Variants in ATCAY observed in about 807,000 individuals in gnomAD.
ATCAY encodes the protein ATCAY kinesin light chain interacting caytaxin.
In ATCAY, 22 loss-of-function variants were observed where a neutral mutation model predicts 47.7. The ratio of observed to expected loss-of-function variants is 0.46; its 90% confidence interval spans 0.33 to 0.66. The LOEUF is 0.66. ATCAY is among the 30% of genes least tolerant of loss of function. The pLI, the probability that ATCAY is intolerant of heterozygous loss-of-function variation, is 0.02. For synonymous variants in ATCAY, 216 were observed against 207.6 expected (o/e 1.04, Z -0.35); for missense variants, 452 against 515.0 (o/e 0.88, Z 1.18).
chr19:3,909,460 C>A, intron 6 of ATCAY, 26 bp from the exon 7 acceptor site: 3 of 1,608,764 alleles, frequency 1.9e-6, no homozygotes, highest in South Asian at 1.1e-5. Flanking sequence ...CATGTTGGGT[C>A]CCTGCCTTCT....
chr19:3,911,119 C>G (rs2038919372), intron 8 of ATCAY, among the ~76,000 whole-genome samples: 1 of 152,158 alleles, frequency 6.6e-6, no homozygotes, highest in Admixed American at 6.6e-5. Context: ...TGGCTGACAC[C>G]TGTAATCCCA....
intron 2 of ATCAY, among the ~76,000 whole-genome samples, chr19:3,887,521 T>C (rs185942077): frequency 0.012 from 1,872 of 151,092 alleles, 30 homozygotes; most frequent in East Asian, 0.044. Flanking sequence ...GAGTGTCGCT[T>C]TGTCGCCCAG....
At chr19:3,881,863 A>ACCCCCCCC (rs199717917) in intron 1 of ATCAY, among the ~76,000 whole-genome samples, 6 of 100,484 alleles carry the variant, frequency 6.0e-5, no homozygotes, top group East Asian at 3.9e-4. Flanking sequence ...GGCTGCTGCC[A>ACCCCCCCC]CCGCCCCCCC....
chr19:3,895,164 T>G (rs1437363377), intron 2 of ATCAY: 1 of 456,190 alleles, frequency 2.2e-6, no homozygotes, highest in Non-Finnish European at 4.4e-6. Flanking sequence ...AACCACCAAG[T>G]CCAAAATCCA....
intron 2 of ATCAY, among the ~76,000 whole-genome samples, chr19:3,899,853 G>C (rs750468616): frequency 6.6e-6 from 1 of 152,098 alleles, no homozygotes; most frequent in Non-Finnish European, 1.5e-5. Flanking sequence ...GTCAAACTCG[G>C]GCAGCACGGG....
chr19:3,920,853 C>CAATAGA, intron 12 of ATCAY, 55 bp downstream of exon 12: 1 of 1,593,826 alleles, frequency 6.3e-7, no homozygotes, highest in Non-Finnish European at 8.6e-7. Context: ...CTTCATGGAC[C>CAATAGA]TGTATTAGTC....
chr19:3,890,088 C>T (rs1464279621), intron 2 of ATCAY, among the ~76,000 whole-genome samples: 1 of 150,558 alleles, frequency 6.6e-6, no homozygotes, highest in Admixed American at 6.7e-5. Flanking sequence ...GGATTACAGG[C>T]ATCTGCCACC....
At chr19:3,897,109 G>A (rs995059361) in intron 2 of ATCAY, among the ~76,000 whole-genome samples, 5 of 151,760 alleles carry the variant, frequency 3.3e-5, no homozygotes, top group South Asian at 4.2e-4. Context: ...TCTCTTCTTC[G>A]ACAGCAAATG....
At chr19:3,902,698 TGA>T (rs2038825673) in intron 3 of ATCAY, among the ~76,000 whole-genome samples, 153 bp downstream of exon 3, 1 of 152,102 alleles carries the variant, frequency 6.6e-6, no homozygotes, top group Non-Finnish European at 1.5e-5. Flanking sequence ...CCGTGGTGGG[TGA>T]GAGACACAAT....
intron 1 of ATCAY, among the ~76,000 whole-genome samples, chr19:3,884,312 TG>T (rs1201872918): frequency 6.9e-6 from 1 of 144,478 alleles, no homozygotes; most frequent in East Asian, 2.0e-4. Flanking sequence ...ATAAATAAAG[TG>T]GCATTTTGTG....
At chr19:3,892,844 G>A (rs185120975) in intron 2 of ATCAY, among the ~76,000 whole-genome samples, 1 of 152,062 alleles carries the variant, frequency 6.6e-6, no homozygotes, top group Admixed American at 6.6e-5. Flanking sequence ...GGAGGCAGAA[G>A]TTGCAATGAG....
At chr19:3,908,004 C>A in intron 5 of ATCAY, 85 bp downstream of exon 5, 1 of 1,479,376 alleles carries the variant, frequency 6.8e-7, no homozygotes, top group Non-Finnish European at 9.3e-7. Context: ...CTCTCTGATG[C>A]ACGGGGATGT....
rs1427282351 is a variant in ATCAY, at chr19:3,927,988, GA to G, written c.*3397del. On this transcript the variant is annotated 3_prime_UTR_variant, in exon 13 of 13. Transcript: ENST00000450849. ...TTTTGCGGTTTTTCAGAACAGAAATGATCACTACGATTGACGACGGTCGTGA... is the reference window on the plus strand; with the variant it reads ...TTTTGCGGTTTTTCAGAACAGAAATGTCACTACGATTGACGACGGTCGTGA... The G allele has an allele frequency of 6.6e-6, 1 of 152,184 alleles. No individual in the cohort carries two copies. Among genetic ancestry groups the G allele is most frequent in the Non-Finnish European group, 1.5e-5 (1 of 68,052 alleles). 9.4% of individuals were successfully genotyped at this position (152,184 alleles called of 1,614,324 possible).
At chr19:3,887,636 G>A (rs923862028) in intron 2 of ATCAY, among the ~76,000 whole-genome samples, 26 of 150,552 alleles carry the variant, frequency 1.7e-4, no homozygotes, top group South Asian at 2.1e-4. Flanking sequence ...ACGGGCACCC[G>A]CCACCACGCC....
chr19:3,909,667 A>AG, intron 7 of ATCAY, 50 bp downstream of exon 7: 1 of 1,546,256 alleles, frequency 6.5e-7, no homozygotes. Flanking sequence ...AAAATCACAC[A>AG]GGGGGCTGGA....
chr19:3,922,476 C>T lies in ATCAY; in HGVS notation c.1106+1678C>T, dbSNP rs540226251. ...ACCACGAGAACAGCATGGAGGTAGC[C>T]GCCCCCATGGTTCAGTTACCTCCCA... On this transcript the variant is annotated intron_variant, in intron 12 of 12. Coordinates refer to ENST00000450849, the MANE Select transcript of ATCAY (RefSeq NM_033064.5). 5.3e-5 allele frequency among the ~76,000 whole-genome samples: 8 copies of T among 152,236 alleles called. No individual in the cohort carries two copies. The South Asian group carries it at 1.2e-3, about 24-fold the overall frequency.
chr19:3,901,191 C>T (rs577255211), intron 2 of ATCAY, among the ~76,000 whole-genome samples: 3 of 152,254 alleles, frequency 2.0e-5, no homozygotes, highest in South Asian at 2.1e-4. Context: ...CGTGAGCCAC[C>T]GCACCCGGCC....
In ATCAY at chr19:3,901,596, A is replaced by T. The variant is rs190571752; in HGVS notation, c.78-891A>T. 4.5e-3 allele frequency among the ~76,000 whole-genome samples: 680 copies of T among 152,258 alleles called. 8 individuals carry two copies. Among genetic ancestry groups the T allele is most frequent in the South Asian group, 0.016 (76 of 4,824 alleles). ...CATGTGATGCTGGGGAAAAACCTTC[A>T]TTCTCCTCAAGCCGTGCAAAAATCT... On this transcript the variant is annotated intron_variant, in intron 2 of 12. Coordinates refer to ENST00000450849, the MANE Select transcript of ATCAY (RefSeq NM_033064.5).
At position 3,903,982 on chromosome 19, in the gene ATCAY, C is replaced by CAA. The variant is rs59631453; in HGVS notation, c.137-1432_137-1431dup. Among the ~76,000 whole-genome samples, 367 of 79,024 alleles carry CAA rather than the reference C, an allele frequency of 4.6e-3. 6 individuals carry two copies. The highest frequency in any genetic ancestry group is 0.012 in the African/African-American group (329 of 27,364). 51.8% of individuals were successfully genotyped at this position (79,024 alleles called of 152,430 possible). ...TGAAGCCCCGTCTCTACTAAAGATA[C>CAA]AAAAAAAAAAAAAAAAAAAAATTAG... On this transcript the variant is annotated intron_variant, in intron 3 of 12. Coordinates refer to ENST00000450849, the MANE Select transcript of ATCAY (RefSeq NM_033064.5).
Sources: gnomAD v4.1 joint callset for allele counts (sites outside exome capture counted in the v4.1 genomes callset) on GRCh38, gnomAD v4.1.1 for gene constraint, MANE v1.5 for transcripts, NCBI Gene and HGNC (gene_info 2026-07-23, HGNC 2026-07-21) for gene names.